PTPRN2: variants seen among roughly 807,000 people sequenced by gnomAD.
The protein encoded by PTPRN2 is receptor-type tyrosine-protein phosphatase N2.
Under a neutral mutation model 118.8 loss-of-function variants are expected in PTPRN2, and 74 were observed. The ratio of observed to expected loss-of-function variants is 0.62; its 90% confidence interval spans 0.52 to 0.76. The LOEUF is 0.76. Among genes scored for constraint, PTPRN2 ranks in the 30% least tolerant of loss-of-function variants. The pLI is 0.00. For synonymous variants in PTPRN2, 641 were observed against 608.0 expected, an observed-to-expected ratio of 1.05 and a Z score of -0.80; for missense variants, 1,481 against 1,394.4, an observed-to-expected ratio of 1.06 and a Z score of -0.99.
intron 11 of PTPRN2, among the ~76,000 whole-genome samples, chr7:158,021,687 G>C (rs1242945862): frequency 2.0e-5 from 3 of 152,108 alleles, no homozygotes; most frequent in African/African-American, 7.2e-5. Flanking sequence ...TGCCAACCAA[G>C]GAGAGGGGCC....
intron 3 of PTPRN2, among the ~76,000 whole-genome samples, chr7:158,247,258 G>A (rs1796318278): frequency 6.6e-6 from 1 of 152,236 alleles, no homozygotes. Flanking sequence ...TGGCCAAGAG[G>A]GGTGGAGGAA....
chr7:158,468,773 A>C (rs1819563461), intron 2 of PTPRN2, among the ~76,000 whole-genome samples: 1 of 151,664 alleles, frequency 6.6e-6, no homozygotes, highest in Non-Finnish European at 1.5e-5. Context: ...CACACCCCCC[A>C]CCCACACACA....
chr7:157,771,923 G>C (rs1563091174), intron 12 of PTPRN2, among the ~76,000 whole-genome samples: 11 of 143,804 alleles, frequency 7.6e-5, no homozygotes, highest in Non-Finnish European at 4.5e-5. Flanking sequence ...CAAACACACA[G>C]AGACACACAC....
At chr7:158,020,520 C>A (rs1203427068) in intron 11 of PTPRN2, among the ~76,000 whole-genome samples, 1 of 152,184 alleles carries the variant, frequency 6.6e-6, no homozygotes, top group Admixed American at 6.5e-5. Flanking sequence ...CCCGAGGTCA[C>A]TGTGGGCTTG....
rs1818589259 is a variant in PTPRN2 at position 158,133,903 on chromosome 7, C to A, written c.1330G>T (p.Val444Leu). 1 of 1,613,842 alleles carries A rather than the reference C, an allele frequency of 6.2e-7. No individual in the cohort carries two copies. The highest frequency in any genetic ancestry group is 1.3e-5 in the African/African-American group (1 of 74,938). The change falls in exon 9 of 23, where the codon GTG (valine) becomes TTG (leucine). Residue 444 changes from valine to leucine, a missense_variant. Val to Leu is a conservative substitution (Grantham distance 32). This residue lies in a region of PTPRN2 where 1,115 missense variants were observed against 994.2 expected (regional missense o/e 1.12). Coordinates refer to ENST00000389418, the MANE Select transcript of PTPRN2 (RefSeq NM_002847.5). The stretch of plus-strand genomic sequence containing the variant: ...TACGTCTGGCTCTTGACGTTCTCCA[C>A]TCCGGCAGTCTCCTCTTCTGAAGAC... ...SLSSEEETAG[V>L]ENVKSQTYSK...
At chr7:157,884,229 C>A (rs963221552) in intron 12 of PTPRN2, among the ~76,000 whole-genome samples, 1 of 151,994 alleles carries the variant, frequency 6.6e-6, no homozygotes, top group East Asian at 2.0e-4. Context: ...CATAGCACCC[C>A]AAAATGACTG....
chr7:157,778,923 G>A (rs1434240701), intron 12 of PTPRN2, among the ~76,000 whole-genome samples: 1 of 152,222 alleles, frequency 6.6e-6, no homozygotes, highest in African/African-American at 2.4e-5. Flanking sequence ...ACCACATTCT[G>A]AAAACAATGA....
intron 6 of PTPRN2, among the ~76,000 whole-genome samples, chr7:158,147,832 C>T (rs866376080): frequency 5.7e-3 from 596 of 104,902 alleles, no homozygotes; most frequent in East Asian, 0.021. Flanking sequence ...CCCTCAATGA[C>T]ACCCCATCTC....
chr7:158,019,131 C>T (rs1806675835), intron 11 of PTPRN2, among the ~76,000 whole-genome samples: 1 of 152,216 alleles, frequency 6.6e-6, no homozygotes, highest in African/African-American at 2.4e-5. Context: ...GCACTTGCAG[C>T]CGGACCACCG....
chr7:157,736,676 G>A (rs148020999), intron 12 of PTPRN2, among the ~76,000 whole-genome samples: 12 of 152,264 alleles, frequency 7.9e-5, no homozygotes, highest in African/African-American at 2.9e-4. Flanking sequence ...ACAGATGCAC[G>A]CAGACGGCTT....
intron 14 of PTPRN2, among the ~76,000 whole-genome samples, chr7:157,655,129 C>A (rs1049367038): frequency 6.6e-6 from 1 of 152,200 alleles, no homozygotes; most frequent in Non-Finnish European, 1.5e-5. Context: ...GCGGGTGGTC[C>A]GGCTTCGTGG....
In PTPRN2 at chr7:158,303,079, T is replaced by C. The variant is rs1279595839; in HGVS notation, c.277+13740A>G. Among the ~76,000 whole-genome samples the C allele has an allele frequency of 3.3e-5, 5 of 152,200 alleles. 1 individual carries two copies. Among genetic ancestry groups the C allele is most frequent in the Non-Finnish European group, 7.3e-5 (5 of 68,032 alleles). On this transcript the variant is annotated intron_variant, in intron 3 of 22. Transcript: ENST00000389418. ...TGTTTATAATGAAATAATTTTATGATTTATTTTAAAGTGAATTAATAAACA... is the reference window on the plus strand; with the variant it reads ...TGTTTATAATGAAATAATTTTATGACTTATTTTAAAGTGAATTAATAAACA...
intron 11 of PTPRN2, among the ~76,000 whole-genome samples, chr7:157,924,852 C>T (rs1798879330): frequency 6.6e-6 from 1 of 152,146 alleles, no homozygotes; most frequent in Non-Finnish European, 1.5e-5. Context: ...AGGATGCAGG[C>T]ACCTGCATTT....
rs375504037 is a variant in PTPRN2, at chr7:158,182,243, T to A, written c.549+10084A>T. ...TTTAAAAAATTCCTTTTGGAGTGGA[T>A]TTCTAGTTTTATTCCACTGTGGTCT... is the stretch of plus-strand genomic sequence containing the variant. On this transcript the variant is annotated intron_variant, in intron 5 of 22. Transcript: ENST00000389418. Among the ~76,000 whole-genome samples the A allele has an allele frequency of 9.2e-5, 14 of 152,382 alleles. No homozygotes were observed. The South Asian group carries it at 2.9e-3, about 32-fold the overall frequency.
chr7:158,055,063 A>C (rs569143040), intron 11 of PTPRN2, among the ~76,000 whole-genome samples: 1 of 152,334 alleles, frequency 6.6e-6, no homozygotes, highest in African/African-American at 2.4e-5. Flanking sequence ...AAAATATGTA[A>C]AATAAGAATA....
At chr7:157,816,008 T>C (rs1272932058) in intron 12 of PTPRN2, among the ~76,000 whole-genome samples, 1 of 152,218 alleles carries the variant, frequency 6.6e-6, no homozygotes, top group African/African-American at 2.4e-5. Context: ...GATGTGAAGA[T>C]GTGCTCTCAC....
chr7:157,599,362 C>T (rs1801532183), intron 16 of PTPRN2, among the ~76,000 whole-genome samples: 1 of 152,106 alleles, frequency 6.6e-6, no homozygotes, highest in Admixed American at 6.5e-5. Context: ...CTCTGTTATC[C>T]CTTGGTTGAC....
intron 10 of PTPRN2, among the ~76,000 whole-genome samples, chr7:158,108,419 G>C (rs1216079426): frequency 6.6e-6 from 1 of 152,010 alleles, no homozygotes; most frequent in African/African-American, 2.4e-5. Context: ...TACATACTGG[G>C]TCCCTAAATG....
At chr7:158,478,671 C>G (rs1273662133) in intron 2 of PTPRN2, among the ~76,000 whole-genome samples, 1 of 152,120 alleles carries the variant, frequency 6.6e-6, no homozygotes, top group African/African-American at 2.4e-5. Flanking sequence ...AAAGAGGGAG[C>G]CACTGAAGGT....
Sources: allele counts gnomAD v4.1 joint callset (sites outside exome capture counted in the v4.1 genomes callset), GRCh38; gene constraint gnomAD v4.1.1; regional missense constraint gnomAD v4.1.1; transcripts MANE v1.5; gene names NCBI Gene and HGNC (gene_info 2026-07-23, HGNC 2026-07-21).